NLGN1: variants seen among roughly 807,000 people sequenced by gnomAD.
The protein encoded by NLGN1 is neuroligin 1.
In NLGN1, 12 loss-of-function variants were observed where a neutral mutation model predicts 65.5. The ratio of observed to expected loss-of-function variants is 0.18; its 90% CI spans 0.12 to 0.30. NLGN1 has a LOEUF of 0.30. Ranked by LOEUF, NLGN1 falls within the 10% of genes least tolerant of loss-of-function variation. The pLI, the probability that NLGN1 is intolerant of heterozygous loss-of-function variation, is 1.00. For missense variants in NLGN1, 750 were observed against 1,007.1 expected, an observed-to-expected ratio of 0.74 and a Z score of 3.46; for synonymous variants, 350 against 359.5, an observed-to-expected ratio of 0.97 and a Z score of 0.30.
At chr3:173,714,929 A>G (rs558093816) in intron 3 of NLGN1, among the ~76,000 whole-genome samples, 1 of 152,208 alleles carries the variant, frequency 6.6e-6, no homozygotes, top group Non-Finnish European at 1.5e-5. Context: ...AGGAGAATAA[A>G]CACAAGAGCT....
At chr3:173,651,700 T>A (rs1296738050) in intron 3 of NLGN1, among the ~76,000 whole-genome samples, 1 of 152,178 alleles carries the variant, frequency 6.6e-6, no homozygotes, top group Admixed American at 6.5e-5. Flanking sequence ...TTTGCATATC[T>A]CTGATGGTTA....
intron 2 of NLGN1, among the ~76,000 whole-genome samples, chr3:173,538,409 A>G (rs1394843077): frequency 2.6e-5 from 4 of 152,184 alleles, no homozygotes; most frequent in African/African-American, 7.2e-5. Context: ...TTGAGCAGGG[A>G]CAATGCTGTA....
At chr3:173,979,620 G>T (rs549552013) in intron 4 of NLGN1, among the ~76,000 whole-genome samples, 1 of 152,146 alleles carries the variant, frequency 6.6e-6, no homozygotes, top group Non-Finnish European at 1.5e-5. Flanking sequence ...AGTGTGTAAA[G>T]TATGATCTGG....
chr3:173,802,734 C>A (rs1435310622), intron 3 of NLGN1, among the ~76,000 whole-genome samples: 1 of 152,140 alleles, frequency 6.6e-6, no homozygotes, highest in East Asian at 1.9e-4. Context: ...ATTCCCCACC[C>A]AGTTCCCCTC....
chr3:174,067,997 G>T (rs573886513), intron 4 of NLGN1, among the ~76,000 whole-genome samples: 157 of 152,258 alleles, frequency 1.0e-3, no homozygotes, highest in Non-Finnish European at 1.8e-3. Context: ...CTGGGAAGTA[G>T]GTGAGGCTGG....
intron 4 of NLGN1, among the ~76,000 whole-genome samples, chr3:173,981,382 G>T (rs990151930): frequency 3.9e-5 from 6 of 152,070 alleles, no homozygotes; most frequent in African/African-American, 1.4e-4. Flanking sequence ...ACACAGAATG[G>T]TAAAATGTTT....
chr3:173,843,274 G>A (rs1725131360), intron 4 of NLGN1, among the ~76,000 whole-genome samples: 1 of 152,216 alleles, frequency 6.6e-6, no homozygotes, highest in Admixed American at 6.5e-5. Context: ...TGTGATGGGA[G>A]GGGCTGCCAT....
chr3:173,684,502 A>G (rs2149796776), intron 3 of NLGN1, among the ~76,000 whole-genome samples: 1 of 152,330 alleles, frequency 6.6e-6, no homozygotes, highest in Admixed American at 6.5e-5. Flanking sequence ...TAATTTACTT[A>G]TAGGCCATTA....
intron 4 of NLGN1, among the ~76,000 whole-genome samples, chr3:173,923,089 G>A (rs975391282): frequency 6.6e-6 from 1 of 151,832 alleles, no homozygotes; most frequent in African/African-American, 2.4e-5. Flanking sequence ...AAGCCAAAAG[G>A]TAAGATACCT....
At chr3:173,529,087 T>C (rs191561144) in intron 2 of NLGN1, among the ~76,000 whole-genome samples, 1 of 152,368 alleles carries the variant, frequency 6.6e-6, no homozygotes, top group East Asian at 1.9e-4. Context: ...GAAGTTACTT[T>C]TGTTTGGATG....
chr3:174,160,888 T>A (rs552949821), intron 4 of NLGN1, among the ~76,000 whole-genome samples: 1 of 151,462 alleles, frequency 6.6e-6, no homozygotes, highest in South Asian at 2.1e-4. Context: ...TTTCTAACTA[T>A]TTTTTTGTAC....
At chr3:173,942,872 T>C (rs1459786794) in intron 4 of NLGN1, among the ~76,000 whole-genome samples, 1 of 152,184 alleles carries the variant, frequency 6.6e-6, no homozygotes, top group African/African-American at 2.4e-5. Flanking sequence ...AACATACAAT[T>C]TATTTACTCT....
chr3:173,703,480 A>C (rs1378050431), intron 3 of NLGN1, among the ~76,000 whole-genome samples: 3 of 152,194 alleles, frequency 2.0e-5, no homozygotes, highest in Non-Finnish European at 2.9e-5. Context: ...TTCTTCTTAA[A>C]ATAAGAATCT....
intron 3 of NLGN1, among the ~76,000 whole-genome samples, chr3:173,715,208 CTT>C (rs747003330): frequency 1.1e-4 from 16 of 152,096 alleles, no homozygotes; most frequent in East Asian, 1.9e-4. Context: ...ATTTCATAGT[CTT>C]TTCACTTGTT....
chr3:173,606,735 G>T (rs1327037678), intron 3 of NLGN1, among the ~76,000 whole-genome samples: 1 of 151,834 alleles, frequency 6.6e-6, no homozygotes, highest in African/African-American at 2.4e-5. Flanking sequence ...GTTATTTCTT[G>T]GGTAATACTG....
intron 4 of NLGN1, among the ~76,000 whole-genome samples, chr3:174,179,362 G>C (rs1405090143): frequency 6.6e-6 from 1 of 152,076 alleles, no homozygotes; most frequent in African/African-American, 2.4e-5. Flanking sequence ...TTGAATATGT[G>C]TGTTTGAGAA....
At chr3:173,789,578 C>T (rs4293728) in intron 3 of NLGN1, among the ~76,000 whole-genome samples, 3 of 152,122 alleles carry the variant, frequency 2.0e-5, no homozygotes, top group Non-Finnish European at 4.4e-5. Flanking sequence ...AGATTATCAC[C>T]TAAAATGTAA....
chr3:173,687,352 G>T (rs1040553044), intron 3 of NLGN1, among the ~76,000 whole-genome samples: 3 of 152,166 alleles, frequency 2.0e-5, no homozygotes, highest in Non-Finnish European at 4.4e-5. Flanking sequence ...ACCTTATTAT[G>T]TACATGCGTG....
chr3:173,845,606 GGATAGATAGATAGATAGATA>G (rs10546469), intron 4 of NLGN1, among the ~76,000 whole-genome samples: 2 of 147,044 alleles, frequency 1.4e-5, no homozygotes, highest in African/African-American at 2.5e-5. Context: ...GTAGGTGGAT[GGATAGATAGATAGATAGATA>G]GATAGATAGA....
Sources: gnomAD v4.1 joint callset for allele counts (sites outside exome capture counted in the v4.1 genomes callset) on GRCh38, gnomAD v4.1.1 for gene constraint, MANE v1.5 for transcripts, NCBI Gene and HGNC (gene_info 2026-07-23, HGNC 2026-07-21) for gene names.